ZNF782: variants seen among roughly 807,000 people sequenced by gnomAD.
ZNF782 encodes the protein zinc finger protein 782.
ZNF782 carries 12 observed loss-of-function variants against 13.0 expected under a neutral mutation model. That is an observed-to-expected ratio of 0.92 (90% CI 0.59 to 1.50). The LOEUF is 1.50. Ranked by LOEUF, ZNF782 falls within the 40% of genes most tolerant of loss-of-function variation. The probability of loss-of-function intolerance (pLI) is 0.00; values close to 1 mark genes in which losing one functional copy is unlikely to be tolerated. For missense variants in ZNF782, 770 were observed against 822.9 expected, an observed-to-expected ratio of 0.94 and a Z score of 0.79; for synonymous variants, 284 against 283.0, an observed-to-expected ratio of 1.00 and a Z score of -0.04.
At chr9:96,820,770 G>T (rs780097630) in intron 5 of ZNF782, among the ~76,000 whole-genome samples, 1 of 151,914 alleles carries the variant, frequency 6.6e-6, no homozygotes, top group African/African-American at 2.4e-5. Context: ...GGCTGGTCTC[G>T]AACTCCTGAT....
At chr9:96,903,301 C>A in the ZNF782 span, among the ~76,000 whole-genome samples, 25 of 151,908 alleles carry the variant, frequency 1.6e-4, no homozygotes, top group Non-Finnish European at 2.8e-4. Flanking sequence ...TGAAATAATA[C>A]AATATGTAAA....
the ZNF782 span, chr9:96,895,981 T>C: frequency 6.6e-6 from 1 of 152,208 alleles, no homozygotes; most frequent in Non-Finnish European, 1.5e-5. Flanking sequence ...ATCAAGGACT[T>C]GAAGGATGCA....
At position 96,818,698 on chromosome 9, in the gene ZNF782, C is replaced by G; in HGVS notation, c.1325G>C (p.Arg442Thr). 6.2e-7 allele frequency: 1 copy of G among 1,613,234 alleles called. No individual in the cohort carries two copies. The highest frequency in any genetic ancestry group is 8.5e-7 in the Non-Finnish European group (1 of 1,179,860). The stretch of plus-strand genomic sequence containing the variant: ...GAATGGTTTCTCCCCTGTGTGGGTT[C>G]TCTGGTGTATTCTTAGGCCTGACTT... ...SAKSGLRIHQRTHTGEKPFEC... is the reference protein window; with the variant it reads ...SAKSGLRIHQTTHTGEKPFEC... The change falls in exon 6 of 6, where the codon AGA becomes ACA. Residue 442 changes from arginine to threonine, a missense_variant. By Grantham distance (71) the Arg-to-Thr change is moderately conservative. Transcript: ENST00000481138.
At chr9:96,827,287 T>C (rs1850657332) in intron 4 of ZNF782, 106 bp from the exon 5 acceptor site, 1 of 659,786 alleles carries the variant, frequency 1.5e-6, no homozygotes, top group Admixed American at 3.4e-5. Flanking sequence ...GGGTGCTCAC[T>C]GGACCTTCCT....
chr9:96,913,591 T>G, the ZNF782 span, among the ~76,000 whole-genome samples: 1 of 150,538 alleles, frequency 6.6e-6, no homozygotes, highest in Non-Finnish European at 1.5e-5. Flanking sequence ...TGGCATGTTC[T>G]TGGCTCGCTG....
upstream of ZNF782, among the ~76,000 whole-genome samples, chr9:96,877,339 G>C (rs953547738): frequency 3.3e-5 from 5 of 152,226 alleles, no homozygotes; most frequent in South Asian, 4.1e-4. Context: ...AGATGCCGCT[G>C]CGCAGGGACA....
the ZNF782 span, chr9:96,887,929 A>T: frequency 6.6e-6 from 1 of 150,406 alleles, no homozygotes; most frequent in Admixed American, 6.6e-5. Context: ...CAAAAAACCA[A>T]ACACCACATG....
the ZNF782 span, among the ~76,000 whole-genome samples, chr9:96,897,679 G>A: frequency 4.1e-4 from 62 of 149,746 alleles, no homozygotes; most frequent in East Asian, 6.5e-3. Context: ...TGCTTGTCCC[G>A]GTGGTGCTCC....
intron 1 of ZNF782, among the ~76,000 whole-genome samples, chr9:96,874,827 A>G (rs1851873599): frequency 1.3e-5 from 2 of 152,212 alleles, no homozygotes; most frequent in Non-Finnish European, 2.9e-5. Flanking sequence ...GGGCCTGGGA[A>G]ACAAATTTTA....
intron 1 of ZNF782, among the ~76,000 whole-genome samples, chr9:96,871,193 A>T (rs963599177): frequency 6.6e-6 from 1 of 152,204 alleles, no homozygotes; most frequent in African/African-American, 2.4e-5. Context: ...TAGCTTTAAC[A>T]TAGTATGCTT....
chr9:96,931,619 T>C, the ZNF782 span: 1 of 1,211,940 alleles, frequency 8.3e-7, no homozygotes, highest in Non-Finnish European at 1.2e-6. Flanking sequence ...CTGCAGAGTT[T>C]CCCTGTCACA....
At chr9:96,846,622 G>A (rs1009607005) in intron 3 of ZNF782, among the ~76,000 whole-genome samples, 2 of 152,066 alleles carry the variant, frequency 1.3e-5, no homozygotes, top group Non-Finnish European at 2.9e-5. Flanking sequence ...ATGATAAAAG[G>A]ATCAATCCAA....
At chr9:96,877,514 C>A (rs564354084), upstream of ZNF782, among the ~76,000 whole-genome samples, 1 of 152,384 alleles carries the variant, frequency 6.6e-6, no homozygotes, top group Admixed American at 6.5e-5. Flanking sequence ...CCTGCCGCGC[C>A]GCTTCCTCCG....
chr9:96,926,711 G>T, the ZNF782 span, among the ~76,000 whole-genome samples: 1 of 152,182 alleles, frequency 6.6e-6, no homozygotes, highest in African/African-American at 2.4e-5. Context: ...AAGGAGGGGA[G>T]AACCCTGGGC....
chr9:96,842,851 T>G (rs1277650076), intron 4 of ZNF782, among the ~76,000 whole-genome samples: 1 of 151,976 alleles, frequency 6.6e-6, no homozygotes, highest in African/African-American at 2.4e-5. Context: ...AAGTCAATGG[T>G]AAAACACACA....
chr9:96,835,845 G>A (rs1850975780), intron 4 of ZNF782, among the ~76,000 whole-genome samples: 1 of 152,228 alleles, frequency 6.6e-6, no homozygotes, highest in Non-Finnish European at 1.5e-5. Flanking sequence ...GCTAGGGCAA[G>A]GCCAAGCAAA....
intron 2 of ZNF782, among the ~76,000 whole-genome samples, chr9:96,852,603 T>C (rs1477123170): frequency 6.6e-6 from 1 of 152,200 alleles, no homozygotes; most frequent in African/African-American, 2.4e-5. Flanking sequence ...GCCATGTTTG[T>C]GCCACTGCAC....
intron 1 of ZNF782, among the ~76,000 whole-genome samples, chr9:96,862,843 C>T (rs1851717625): frequency 6.6e-6 from 1 of 152,216 alleles, no homozygotes; most frequent in African/African-American, 2.4e-5. Flanking sequence ...ACACTTAGCT[C>T]TGCTATAATG....
At chr9:96,930,602 T>C in the ZNF782 span, among the ~76,000 whole-genome samples, 2 of 148,810 alleles carry the variant, frequency 1.3e-5, no homozygotes, top group African/African-American at 5.0e-5. Context: ...TTGCTGGCTG[T>C]GTTCTAGTCA....
Sources: gnomAD v4.1 joint callset for allele counts (sites outside exome capture counted in the v4.1 genomes callset) on GRCh38, gnomAD v4.1.1 for gene constraint, MANE v1.5 for transcripts, NCBI Gene and HGNC (gene_info 2026-07-23, HGNC 2026-07-21) for gene names.